Variants in ERC2 observed in about 807,000 individuals in gnomAD.
The protein encoded by ERC2 is ERC protein 2.
In ERC2, 42 loss-of-function variants were observed where a neutral mutation model predicts 114.8. That is an observed-to-expected ratio of 0.37 (90% confidence interval 0.29 to 0.47). ERC2 has a LOEUF of 0.47. Ranked by LOEUF, ERC2 falls within the 20% of genes least tolerant of loss-of-function variation. ERC2 has a pLI of 0.99. For synonymous variants in ERC2, 454 were observed against 425.5 expected, an observed-to-expected ratio of 1.07 and a Z score of -0.82; for missense variants, 939 against 1,150.7, an observed-to-expected ratio of 0.82 and a Z score of 2.66.
chr3:56,371,066 T>C (rs1345787286), intron 2 of ERC2, among the ~76,000 whole-genome samples: 1 of 152,242 alleles, frequency 6.6e-6, no homozygotes, highest in Non-Finnish European at 1.5e-5. Context: ...CGGAGACATC[T>C]GGATAATTTC....
intron 15 of ERC2, among the ~76,000 whole-genome samples, chr3:55,719,509 A>G (rs1430807340): frequency 1.3e-5 from 2 of 152,162 alleles, no homozygotes; most frequent in Non-Finnish European, 2.9e-5. Flanking sequence ...ACATATTGGG[A>G]GTGAGGAAGA....
At chr3:55,547,860 G>A (rs1444002571) in intron 17 of ERC2, among the ~76,000 whole-genome samples, 1 of 152,192 alleles carries the variant, frequency 6.6e-6, no homozygotes, top group South Asian at 2.1e-4. Context: ...AGCAGCAGAC[G>A]TAAGGTCACA....
chr3:56,444,060 T>C (rs2062447031), intron 1 of ERC2, among the ~76,000 whole-genome samples: 1 of 146,478 alleles, frequency 6.8e-6, no homozygotes, highest in African/African-American at 2.5e-5. Context: ...CCTCCCGGGT[T>C]CACGCCATTC....
intron 3 of ERC2, among the ~76,000 whole-genome samples, chr3:56,208,656 G>A (rs925012560): frequency 6.6e-5 from 10 of 152,212 alleles, no homozygotes; most frequent in African/African-American, 2.4e-4. Context: ...TCCTTGGGCT[G>A]TGTCCAGGGG....
chr3:55,933,628 C>T (rs2066257510), intron 13 of ERC2, among the ~76,000 whole-genome samples: 1 of 152,166 alleles, frequency 6.6e-6, no homozygotes, highest in Non-Finnish European at 1.5e-5. Flanking sequence ...AACCAAGTAG[C>T]CGTCAAAGTC....
intron 10 of ERC2, among the ~76,000 whole-genome samples, chr3:56,004,590 T>C (rs2072330588): frequency 6.6e-6 from 1 of 152,040 alleles, no homozygotes; most frequent in African/African-American, 2.4e-5. Context: ...ATGTCAAGCA[T>C]TGTTTACAAG....
chr3:56,375,857 C>G (rs1157405333), intron 2 of ERC2, among the ~76,000 whole-genome samples: 3 of 152,204 alleles, frequency 2.0e-5, no homozygotes, highest in Non-Finnish European at 2.9e-5. Context: ...TTCTTGCTCT[C>G]TCTTGCTCAA....
intron 1 of ERC2, among the ~76,000 whole-genome samples, chr3:56,454,448 A>G (rs750945901): frequency 3.3e-5 from 5 of 152,038 alleles, no homozygotes; most frequent in Non-Finnish European, 7.4e-5. Flanking sequence ...ACCACCCTTA[A>G]AAAAAAATCT....
chr3:55,765,997 C>A (rs6809798), intron 14 of ERC2, among the ~76,000 whole-genome samples: 96 of 152,302 alleles, frequency 6.3e-4, no homozygotes, highest in African/African-American at 2.2e-3. Flanking sequence ...ATACTGTACT[C>A]CAAATTGGGG....
intron 14 of ERC2, among the ~76,000 whole-genome samples, chr3:55,737,534 C>A (rs2065710547): frequency 6.6e-6 from 1 of 152,174 alleles, no homozygotes; most frequent in African/African-American, 2.4e-5. Flanking sequence ...AATATTTTAT[C>A]CCCTCTGTTG....
At chr3:55,653,284 A>C (rs2060716251) in intron 17 of ERC2, among the ~76,000 whole-genome samples, 1 of 152,160 alleles carries the variant, frequency 6.6e-6, no homozygotes, top group Non-Finnish European at 1.5e-5. Context: ...ATTTTTCCAT[A>C]GTTCACTTTA....
At chr3:56,437,397 T>C (rs193247084) in intron 1 of ERC2, among the ~76,000 whole-genome samples, 15 of 152,366 alleles carry the variant, frequency 9.8e-5, no homozygotes, top group Non-Finnish European at 7.3e-5. Context: ...GATAAATGCT[T>C]CTTAGTATGT....
chr3:55,811,523 A>G (rs987310253), intron 14 of ERC2, among the ~76,000 whole-genome samples: 3 of 152,214 alleles, frequency 2.0e-5, no homozygotes, highest in African/African-American at 7.2e-5. Context: ...TTCTTTGCTT[A>G]TAAAATTAGT....
At position 55,833,404 on chromosome 3, in the gene ERC2, G is replaced by A. The variant is rs1298182854; in HGVS notation, c.2564+54985C>T. Among the ~76,000 whole-genome samples the A allele has an allele frequency of 1.5e-4, 23 of 151,732 alleles. No individual in the cohort carries two copies. In the East Asian group the frequency reaches 1.9e-3, roughly 13 times the overall value. On this transcript the variant is annotated intron_variant, in intron 14 of 17. Coordinates refer to ENST00000288221, the MANE Select transcript of ERC2 (RefSeq NM_015576.3). ...AAGGGAATCCCATCAGACTAACAGC[G>A]GATCTCTCGGCAGAAACTCTACAAG... is the stretch of plus-strand genomic sequence containing the variant.
At chr3:55,675,899 CTTTCTTTTTTTTTTTT>C (rs2061773777) in intron 17 of ERC2, among the ~76,000 whole-genome samples, 1 of 58,122 alleles carries the variant, frequency 1.7e-5, no homozygotes, top group African/African-American at 7.0e-5. Context: ...TTTCTCTTTT[CTTTCTTTTTTTTTTTT>C]TTTTTTTTTT....
chr3:55,646,308 T>C (rs1295217339), intron 17 of ERC2, among the ~76,000 whole-genome samples: 1 of 152,250 alleles, frequency 6.6e-6, no homozygotes, highest in African/African-American at 2.4e-5. Flanking sequence ...TGAGAGCTGA[T>C]CTTCCTTTGC....
At chr3:56,129,054 C>T (rs2080052080) in intron 6 of ERC2, among the ~76,000 whole-genome samples, 1 of 152,158 alleles carries the variant, frequency 6.6e-6, no homozygotes, top group African/African-American at 2.4e-5. Context: ...TAATGCCAAA[C>T]TCCTAAAGTT....
chr3:55,661,438 C>T (rs1396600253), intron 17 of ERC2, among the ~76,000 whole-genome samples: 1 of 152,178 alleles, frequency 6.6e-6, no homozygotes, highest in Non-Finnish European at 1.5e-5. Context: ...TTATCACAGC[C>T]TCGTCTCTCC....
intron 14 of ERC2, among the ~76,000 whole-genome samples, chr3:55,815,188 G>T (rs1480752885): frequency 6.7e-6 from 1 of 149,832 alleles, no homozygotes; most frequent in Admixed American, 6.6e-5. Context: ...ATATACCAAA[G>T]ATGCCCATTT....
Sources: allele counts gnomAD v4.1 joint callset (sites outside exome capture counted in the v4.1 genomes callset), GRCh38; gene constraint gnomAD v4.1.1; transcripts MANE v1.5; gene names NCBI Gene and HGNC (gene_info 2026-07-23, HGNC 2026-07-21).